Variants in RPL39L observed in about 807,000 individuals in gnomAD.
RPL39L encodes ribosomal protein eL39-like 2.
For synonymous variants in RPL39L, 16 were observed against 20.1 expected (o/e 0.80, Z 0.55); for missense variants, 48 against 58.9 (o/e 0.81, Z 0.61).
chr3:187,122,448 C>T (rs189375615), intron 2 of RPL39L, among the ~76,000 whole-genome samples: 19 of 152,056 alleles, frequency 1.2e-4, no homozygotes, highest in Non-Finnish European at 1.3e-4. Context: ...ATGACTGTTT[C>T]TGACTGTCTG....
At chr3:187,131,744 A>G (rs1409537374) in intron 1 of RPL39L, among the ~76,000 whole-genome samples, 1 of 152,230 alleles carries the variant, frequency 6.6e-6, no homozygotes, top group Non-Finnish European at 1.5e-5. Context: ...AGGATTTAGC[A>G]TAGTAATGAG....
chr3:187,122,463 C>G (rs956896443), intron 2 of RPL39L, among the ~76,000 whole-genome samples: 4 of 151,948 alleles, frequency 2.6e-5, no homozygotes, highest in African/African-American at 7.3e-5. Flanking sequence ...TGTCTGAGTT[C>G]ACACACAGTG....
intron 1 of RPL39L, among the ~76,000 whole-genome samples, chr3:187,133,255 C>T (rs1720515767): frequency 6.6e-6 from 1 of 152,102 alleles, no homozygotes; most frequent in African/African-American, 2.4e-5. Context: ...GTAATCCCCA[C>T]CTGTTGAGGG....
intron 2 of RPL39L, among the ~76,000 whole-genome samples, chr3:187,122,471 G>C (rs1291484229): frequency 1.3e-5 from 2 of 152,280 alleles, no homozygotes; most frequent in East Asian, 1.9e-4. Flanking sequence ...TTCACACACA[G>C]TGTCTAACCC....
At chr3:187,128,732 T>C (rs1720439580) in intron 1 of RPL39L, among the ~76,000 whole-genome samples, 1 of 152,206 alleles carries the variant, frequency 6.6e-6, no homozygotes, top group Non-Finnish European at 1.5e-5. Flanking sequence ...GTCTATGCCT[T>C]GTGATGTACC....
At chr3:187,122,666 C>T (rs1720334027) in intron 2 of RPL39L, among the ~76,000 whole-genome samples, 1 of 152,152 alleles carries the variant, frequency 6.6e-6, no homozygotes, top group Non-Finnish European at 1.5e-5. Context: ...TACTAGGTAT[C>T]TCTCTCAATA....
chr3:187,129,811 T>G (rs978598115), intron 1 of RPL39L, among the ~76,000 whole-genome samples: 1 of 151,362 alleles, frequency 6.6e-6, no homozygotes, highest in African/African-American at 2.4e-5. Flanking sequence ...TCCTCCCTAC[T>G]CCCAGGTCAC....
rs188219896 is a variant in RPL39L at position 187,124,093 on chromosome 3, C to T, written c.-28-2765G>A. On this transcript the variant is annotated intron_variant, in intron 2 of 2. Coordinates refer to ENST00000296277, the MANE Select transcript of RPL39L (RefSeq NM_052969.3). ...GTAATGGTTATGAGGGCAGTTTTACCTTAAAAGGAATGATTACACTTAGGA... is the reference window on the plus strand; with the variant it reads ...GTAATGGTTATGAGGGCAGTTTTACTTTAAAAGGAATGATTACACTTAGGA... Among the ~76,000 whole-genome samples, 449 of 152,246 alleles carry T rather than the reference C, an allele frequency of 2.9e-3. 10 individuals carry two copies. In the South Asian group the frequency reaches 0.045, roughly 15 times the overall value.
intron 1 of RPL39L, among the ~76,000 whole-genome samples, chr3:187,137,334 C>A (rs977327017): frequency 6.6e-6 from 1 of 151,142 alleles, no homozygotes; most frequent in Admixed American, 6.6e-5. Flanking sequence ...CATGGTGAAA[C>A]CCCGTCTCTA....
chr3:187,127,479 G>A (rs75360067), intron 2 of RPL39L, among the ~76,000 whole-genome samples: 209 of 152,312 alleles, frequency 1.4e-3, no homozygotes, highest in African/African-American at 3.8e-3. Context: ...AGCAATATGC[G>A]TATATTTCCT....
chr3:187,128,681 C>T (rs1438374557), intron 1 of RPL39L, among the ~76,000 whole-genome samples: 1 of 152,146 alleles, frequency 6.6e-6, no homozygotes, highest in East Asian at 1.9e-4. Context: ...TGGCCTGTAA[C>T]AGTTATTATA....
At chr3:187,134,835 GA>G (rs1291560622) in intron 1 of RPL39L, among the ~76,000 whole-genome samples, 1 of 152,230 alleles carries the variant, frequency 6.6e-6, no homozygotes, top group Non-Finnish European at 1.5e-5. Context: ...AGGAATGCTT[GA>G]GCTTCAACTC....
intron 2 of RPL39L, among the ~76,000 whole-genome samples, chr3:187,125,955 TC>T (rs1180095979): frequency 6.6e-6 from 1 of 152,122 alleles, no homozygotes; most frequent in Non-Finnish European, 1.5e-5. Context: ...TGAGTAAATA[TC>T]AGAGCACTCC....
intron 1 of RPL39L, among the ~76,000 whole-genome samples, chr3:187,132,422 G>A (rs907355169): frequency 6.6e-6 from 1 of 152,238 alleles, no homozygotes; most frequent in Admixed American, 6.5e-5. Flanking sequence ...GACTACAGGT[G>A]TAGAAGGAAT....
chr3:187,131,401 G>A (rs1579413287), intron 1 of RPL39L, among the ~76,000 whole-genome samples: 1 of 152,218 alleles, frequency 6.6e-6, no homozygotes, highest in Non-Finnish European at 1.5e-5. Flanking sequence ...GCCAGGCATG[G>A]TGCCTGGTGC....
At chr3:187,128,409 A>G (rs1720434111) in intron 1 of RPL39L, among the ~76,000 whole-genome samples, 1 of 152,126 alleles carries the variant, frequency 6.6e-6, no homozygotes, top group South Asian at 2.1e-4. Context: ...AAACAGTAAT[A>G]TTTGCCATTT....
intron 1 of RPL39L, among the ~76,000 whole-genome samples, chr3:187,132,018 C>T (rs1720491534): frequency 1.3e-5 from 2 of 152,132 alleles, no homozygotes; most frequent in Admixed American, 6.5e-5. Context: ...TAATTGAGCA[C>T]ATGATAACGC....
intron 1 of RPL39L, among the ~76,000 whole-genome samples, chr3:187,131,357 T>TA (rs977585854): frequency 6.6e-6 from 1 of 152,034 alleles, no homozygotes; most frequent in Non-Finnish European, 1.5e-5. Flanking sequence ...ACCAACATGG[T>TA]AAAACCCTGT....
At position 187,137,864 on chromosome 3, in the gene RPL39L, G is replaced by A. The variant is rs540472325; in HGVS notation, c.-93+1349C>T. Among the ~76,000 whole-genome samples the A allele has an allele frequency of 1.4e-4, 22 of 151,934 alleles. No individual in the cohort carries two copies. In the South Asian group the frequency reaches 4.6e-3, roughly 32 times the overall value. On this transcript the variant is annotated intron_variant, in intron 1 of 2. Coordinates refer to ENST00000296277, the MANE Select transcript of RPL39L (RefSeq NM_052969.3). The stretch of plus-strand genomic sequence containing the variant: ...AAAAAAAGAGACTTTAAAAGCTGGT[G>A]TGCGTTTTAACATTTGTAGCACATC...
Sources: allele counts gnomAD v4.1 joint callset (sites outside exome capture counted in the v4.1 genomes callset), GRCh38; gene constraint gnomAD v4.1.1; transcripts MANE v1.5; gene names NCBI Gene and HGNC (gene_info 2026-07-23, HGNC 2026-07-21).